Variants in PTPRN2 observed in about 807,000 individuals in gnomAD.
The protein encoded by PTPRN2 is receptor-type tyrosine-protein phosphatase N2.
A neutral mutation model predicts 118.8 loss-of-function variants in PTPRN2; 74 were observed. That is an observed-to-expected ratio of 0.62 (90% CI 0.52 to 0.76). PTPRN2 has a LOEUF of 0.76. Among genes scored for constraint, PTPRN2 ranks in the 30% least tolerant of loss-of-function variants. The pLI is 0.00. For missense variants in PTPRN2, 1,481 were observed against 1,394.4 expected (o/e 1.06, Z -0.99); for synonymous variants, 641 against 608.0 (o/e 1.05, Z -0.80).
At chr7:158,337,768 A>T (rs1400902896) in intron 2 of PTPRN2, among the ~76,000 whole-genome samples, 1 of 106,534 alleles carries the variant, frequency 9.4e-6, no homozygotes, top group Admixed American at 9.1e-5. Flanking sequence ...TGACACCTGC[A>T]AACGTCACTC....
chr7:158,104,926 C>A (rs1815549481), intron 10 of PTPRN2, among the ~76,000 whole-genome samples: 1 of 148,960 alleles, frequency 6.7e-6, no homozygotes, highest in Admixed American at 6.7e-5. Context: ...GTCCACACAG[C>A]TCCATCAAAC....
rs574164172 is a variant in PTPRN2 at position 158,509,237 on chromosome 7, C to T, written c.113-19452G>A. Among the ~76,000 whole-genome samples the T allele has an allele frequency of 2.0e-5, 3 of 152,282 alleles. No homozygotes were observed. Among genetic ancestry groups the T allele is most frequent in the South Asian group, 2.1e-4 (1 of 4,826 alleles). ...AGCTCACAGGGTCCTTGCTCAAAGG[C>T]GGCAGCAAATGCACCATCCACTTCC... is the stretch of plus-strand genomic sequence containing the variant. On this transcript the variant is annotated intron_variant, in intron 1 of 22. Transcript: ENST00000389418. The surrounding 1 kb of genome is among the most constrained non-coding windows in gnomAD (Gnocchi z 4.4).
Position 158,430,536 on chromosome 7 carries a change from G to A in PTPRN2, c.163+59199C>T, listed in dbSNP as rs374494175. Reference sequence around the variant, plus strand: ...CGGCACCCCCTCCCTGTGGATTCCCGCTCTGAGAGTCAAGATCACTGCATG... The same window carrying A: ...CGGCACCCCCTCCCTGTGGATTCCCACTCTGAGAGTCAAGATCACTGCATG... On this transcript the variant is annotated intron_variant, in intron 2 of 22. Transcript: ENST00000389418. Among the ~76,000 whole-genome samples the A allele has an allele frequency of 4.6e-5, 7 of 152,354 alleles. No individual in the cohort carries two copies. In the South Asian group the frequency reaches 8.3e-4, roughly 18 times the overall value.
intron 2 of PTPRN2, among the ~76,000 whole-genome samples, chr7:158,350,425 G>C (rs1296066892): frequency 6.6e-6 from 1 of 152,240 alleles, no homozygotes; most frequent in African/African-American, 2.4e-5. Flanking sequence ...GGATGGAGAG[G>C]CTGCTCAGAA....
At position 157,569,080 on chromosome 7, in the gene PTPRN2, G is replaced by A. The variant is rs973545255; in HGVS notation, c.2838-114C>T. 6 of 1,017,012 alleles carry A rather than the reference G, an allele frequency of 5.9e-6. No individual in the cohort carries two copies. The African/African-American group carries it at 9.4e-5, about 16-fold the overall frequency. The allele number at this position is 1,017,012 out of a possible 1,614,324, so 63.0% of individuals were successfully genotyped here. A position where few individuals can be genotyped will look rare whatever the true frequency, so the allele number is the denominator to read the frequency against. On this transcript the variant is annotated intron_variant, in intron 20 of 22. Coordinates refer to ENST00000389418, the MANE Select transcript of PTPRN2 (RefSeq NM_002847.5). ...GCTTACGGGGGCCGGCGAGAGGAAA[G>A]GATGGCGGATGTGAGAGGGGGAGGA... is the stretch of plus-strand genomic sequence containing the variant.
chr7:158,159,913 A>G (rs1039409946), intron 6 of PTPRN2, among the ~76,000 whole-genome samples: 5 of 135,228 alleles, frequency 3.7e-5, no homozygotes, highest in African/African-American at 1.3e-4. Flanking sequence ...TACAGTCCCA[A>G]TTGCCATAAT....
chr7:157,687,600 T>C (rs1344725191), intron 12 of PTPRN2, among the ~76,000 whole-genome samples: 1 of 152,250 alleles, frequency 6.6e-6, no homozygotes, highest in Non-Finnish European at 1.5e-5. Flanking sequence ...TAAATACCTT[T>C]TTCTCTTAAA....
chr7:158,377,500 C>T lies in PTPRN2; in HGVS notation c.164-60568G>A, dbSNP rs563770216. 1.6e-4 allele frequency among the ~76,000 whole-genome samples: 24 copies of T among 152,340 alleles called. 1 individual carries two copies. The South Asian group carries it at 4.3e-3, about 28-fold the overall frequency. On this transcript the variant is annotated intron_variant, in intron 2 of 22. Transcript: ENST00000389418. Reference sequence around the variant, plus strand: ...AGGGGACCCCACTTGGACACCACCACGAACCCACAGGCTGGGGAGGAAACC... The same window carrying T: ...AGGGGACCCCACTTGGACACCACCATGAACCCACAGGCTGGGGAGGAAACC...
At position 158,441,121 on chromosome 7, in the gene PTPRN2, T is replaced by C. The variant is rs1477374529; in HGVS notation, c.163+48614A>G. On this transcript the variant is annotated intron_variant, in intron 2 of 22. Coordinates refer to ENST00000389418, the MANE Select transcript of PTPRN2 (RefSeq NM_002847.5). ...GGGGTGGTAGTGATGGTGATGGTGA[T>C]AGTGGTGATGGCAGTGGTAGTGATG... 2.0e-5 allele frequency among the ~76,000 whole-genome samples: 3 copies of C among 149,842 alleles called. No homozygotes were observed. In the East Asian group the frequency reaches 5.8e-4, roughly 29 times the overall value.
chr7:157,839,652 G>A (rs960727724), intron 12 of PTPRN2, among the ~76,000 whole-genome samples: 1 of 151,972 alleles, frequency 6.6e-6, no homozygotes, highest in African/African-American at 2.4e-5. Context: ...GTGGCTATGT[G>A]TAGTGTGTGT....
rs1345119064 is a variant in PTPRN2 at position 157,813,386 on chromosome 7, A to T, written c.1788+85287T>A. ...AACGGTGGGGAGGGAAGAGGGTGGGAGACCAGAGTCAGAGGCGGACAGGGG... is the reference window on the plus strand; with the variant it reads ...AACGGTGGGGAGGGAAGAGGGTGGGTGACCAGAGTCAGAGGCGGACAGGGG... On this transcript the variant is annotated intron_variant, in intron 12 of 22. Coordinates refer to ENST00000389418, the MANE Select transcript of PTPRN2 (RefSeq NM_002847.5). This position sits in a 1 kb window ranked among gnomAD's most constrained non-coding sequence, Gnocchi z 4.7. 2.0e-5 allele frequency among the ~76,000 whole-genome samples: 3 copies of T among 152,146 alleles called. No individual in the cohort carries two copies. The highest frequency in any genetic ancestry group is 4.4e-5 in the Non-Finnish European group (3 of 68,022).
At chr7:157,884,183 A>G (rs114826303) in intron 12 of PTPRN2, among the ~76,000 whole-genome samples, 4,724 of 152,204 alleles carry the variant, frequency 0.031, 225 homozygotes, top group African/African-American at 0.1. Flanking sequence ...CAGAGACCAG[A>G]ACATACCATC....
intron 21 of PTPRN2, among the ~76,000 whole-genome samples, chr7:157,561,581 C>T (rs113143672): frequency 6.6e-6 from 1 of 152,246 alleles, no homozygotes; most frequent in Non-Finnish European, 1.5e-5. Flanking sequence ...TCTGGCTGAC[C>T]GGAGGCCTTG....
At chr7:157,750,757 G>A (rs1801414019) in intron 12 of PTPRN2, among the ~76,000 whole-genome samples, 1 of 152,234 alleles carries the variant, frequency 6.6e-6, no homozygotes, top group Non-Finnish European at 1.5e-5. Flanking sequence ...ATTCTTAAAT[G>A]TACCGCAGCG....
intron 2 of PTPRN2, among the ~76,000 whole-genome samples, chr7:158,402,120 C>A (rs1262411164): frequency 1.3e-5 from 2 of 152,140 alleles, no homozygotes; most frequent in African/African-American, 4.8e-5. Flanking sequence ...TCCAGCCACC[C>A]CCTCCAAACA....
At chr7:158,039,703 C>A (rs1011984280) in intron 11 of PTPRN2, among the ~76,000 whole-genome samples, 1 of 152,138 alleles carries the variant, frequency 6.6e-6, no homozygotes, top group Non-Finnish European at 1.5e-5. Flanking sequence ...TTATCCAATA[C>A]AGCATATCTA....
chr7:158,032,817 G>A (rs755882882), intron 11 of PTPRN2, among the ~76,000 whole-genome samples: 15 of 152,158 alleles, frequency 9.9e-5, no homozygotes, highest in Non-Finnish European at 1.5e-4. Context: ...GTCCAGCACC[G>A]TGTGGAGGAC....
intron 1 of PTPRN2, among the ~76,000 whole-genome samples, chr7:158,528,784 G>A (rs1230612094): frequency 2.0e-5 from 3 of 146,912 alleles, no homozygotes; most frequent in African/African-American, 7.7e-5. Flanking sequence ...GGGCAACAGA[G>A]CAAAACTCCG....
chr7:158,225,897 G>A (rs4909139), intron 3 of PTPRN2, among the ~76,000 whole-genome samples: 1 of 132,158 alleles, frequency 7.6e-6, no homozygotes, highest in African/African-American at 3.2e-5. Context: ...GGGAGGTGGG[G>A]GCAGTGCAGG....
Sources: allele counts gnomAD v4.1 joint callset (sites outside exome capture counted in the v4.1 genomes callset), GRCh38; gene constraint gnomAD v4.1.1; non-coding constraint Gnocchi (gnomAD v3.1); transcripts MANE v1.5; gene names NCBI Gene and HGNC (gene_info 2026-07-23, HGNC 2026-07-21).